The following PITRM1 variants were observed in gnomAD, a reference collection of about 807,000 sequenced individuals.
PITRM1 encodes the protein pitrilysin metallopeptidase 1, also known as presequence protease, mitochondrial.
In PITRM1, 100 loss-of-function variants were observed where a neutral mutation model predicts 129.9. That is an observed-to-expected ratio of 0.77 (90% confidence interval 0.65 to 0.91). PITRM1 has a LOEUF of 0.91. PITRM1 is among the 40% of genes least tolerant of loss of function. The pLI is 0.00. For missense variants in PITRM1, 1,471 were observed against 1,318.3 expected, an observed-to-expected ratio of 1.12 and a Z score of -1.79; for synonymous variants, 591 against 508.8, an observed-to-expected ratio of 1.16 and a Z score of -2.17.
In PITRM1 at chr10:3,138,101, G is replaced by T. The variant is rs1465388267; in HGVS notation, c.3044C>A (p.Thr1015Lys). 8.7e-6 allele frequency: 14 copies of T among 1,610,578 alleles called. No homozygotes were observed. The East Asian group carries it at 2.5e-4, about 28-fold the overall frequency. ...GGGTCCGAGGATGGCCAGGCCGTGT[G>T]TGCTCTTCCCAGTGCCGAGGTATCT... ...SDRYLGTGKS[T>K]HGLAILGPEN... Residue 1015 changes from threonine (T) to lysine (K), a missense_variant, in exon 27 of 27, where the codon ACA becomes AAA. Transcript: ENST00000224949.
At chr10:3,156,846 G>A (rs1012295510) in intron 13 of PITRM1, 84 bp downstream of exon 13, 5 of 872,738 alleles carry the variant, frequency 5.7e-6, no homozygotes, top group East Asian at 3.1e-5. Flanking sequence ...TTACTTAAAT[G>A]TATAGATTAT....
At chr10:3,161,804 T>C (rs1842460268) in intron 7 of PITRM1, among the ~76,000 whole-genome samples, 1 of 149,266 alleles carries the variant, frequency 6.7e-6, no homozygotes, top group South Asian at 2.1e-4. Context: ...TATACAGAAA[T>C]ATTTCTGTGA....
chr10:3,160,168 T>G, intron 8 of PITRM1, 36 bp downstream of exon 8: 1 of 1,609,744 alleles, frequency 6.2e-7, no homozygotes. Context: ...GTCAACATAT[T>G]TACCAGGAAG....
Position 3,158,107 on chromosome 10 carries a change from C to G in PITRM1, c.1183G>C (p.Gly395Arg), listed in dbSNP as rs781329886. The change falls in exon 11 of 27, where the codon GGG becomes CGG. Residue 395 changes from glycine to arginine, a missense_variant. Physicochemically the swap from Gly to Arg is moderately radical, Grantham distance 125. Coordinates refer to ENST00000224949, the MANE Select transcript of PITRM1 (RefSeq NM_014889.4). ...GTCTCAATGTCTTTCTCCGCAATCC[C>G]TTGGAGGCCGACACTAAAGTAGGCC... is the stretch of plus-strand genomic sequence containing the variant. Reference protein sequence around the residue: ...REAYFSVGLQGIAEKDIETVR... With the variant: ...REAYFSVGLQRIAEKDIETVR... The G allele has an allele frequency of 6.2e-7, 1 of 1,610,906 alleles. No individual in the cohort carries two copies. The highest frequency in any genetic ancestry group is 1.7e-5 in the Admixed American group (1 of 59,766).
chr10:3,144,685 G>C (rs777514999), intron 21 of PITRM1, among the ~76,000 whole-genome samples: 2 of 151,998 alleles, frequency 1.3e-5, no homozygotes, highest in African/African-American at 2.4e-5. Flanking sequence ...CACACCTGTA[G>C]CCCCAGCTAC....
intron 20 of PITRM1, chr10:3,145,996 C>T: frequency 2.5e-6 from 1 of 405,170 alleles, no homozygotes; most frequent in Non-Finnish European, 4.5e-6. Context: ...AAAGAAAATA[C>T]AGAGACTATT....
chr10:3,172,050 T>A, intron 1 of PITRM1: 1 of 342,468 alleles, frequency 2.9e-6, no homozygotes, highest in Non-Finnish European at 5.9e-6. Flanking sequence ...TTCAGAATTA[T>A]GGGACAGAAG....
Position 3,147,987 on chromosome 10 carries a change from T to C in PITRM1, c.2069A>G (p.Asn690Ser). 6.2e-7 allele frequency: 1 copy of C among 1,608,006 alleles called. No individual in the cohort carries two copies. Among genetic ancestry groups the C allele is most frequent in the Non-Finnish European group, 8.5e-7 (1 of 1,174,362 alleles). Residue 690 changes from asparagine to serine, a missense_variant and splice_region_variant, in exon 18 of 27, where the codon AAC (asparagine) becomes AGC (serine). Transcript: ENST00000224949. ...GGACAACTCTTGCAAATAAAGTTAC[T>C]TGTTAAATATTTCACTCCATAGCTG... The part of the protein sequence containing the change: ...MMQLWSEIFN[N>S]PCFEEEEHFK...
intron 12 of PITRM1, 92 bp from the exon 13 acceptor site, chr10:3,157,156 T>G: frequency 8.6e-7 from 1 of 1,158,288 alleles, no homozygotes; most frequent in South Asian, 1.6e-5. Context: ...TCCTAGTTTC[T>G]GTATTTAAAT....
chr10:3,166,717 G>A (rs566940454), intron 3 of PITRM1, among the ~76,000 whole-genome samples: 1 of 152,338 alleles, frequency 6.6e-6, no homozygotes, highest in East Asian at 1.9e-4. Context: ...AGGATGGCTT[G>A]AAATGCAGCC....
intron 11 of PITRM1, 97 bp downstream of exon 11, chr10:3,157,943 G>C (rs1426371284): frequency 2.2e-5 from 17 of 766,988 alleles, no homozygotes; most frequent in Non-Finnish European, 3.3e-5. Flanking sequence ...ATATGACAGA[G>C]AAGGAAGGCC....
intron 1 of PITRM1, among the ~76,000 whole-genome samples, chr10:3,172,485 C>A (rs1403987592): frequency 1.3e-5 from 2 of 152,152 alleles, no homozygotes; most frequent in Non-Finnish European, 2.9e-5. Flanking sequence ...CGGGCAGGCC[C>A]GGCCCCCAGC....
chr10:3,143,619 G>T (rs1399429454), intron 22 of PITRM1, 118 bp from the exon 23 acceptor site: 4 of 740,996 alleles, frequency 5.4e-6, no homozygotes, highest in Non-Finnish European at 9.8e-6. Context: ...CCACGGCACT[G>T]GGACTGGAGC....
rs767642677 is a variant in PITRM1 at position 3,160,220 on chromosome 10, G to A, written c.902C>T (p.Thr301Ile). The A allele has an allele frequency of 6.8e-6, 11 of 1,613,946 alleles. No individual in the cohort carries two copies. Among genetic ancestry groups the A allele is most frequent in the Non-Finnish European group, 9.3e-6 (11 of 1,179,846 alleles). The part of the protein sequence containing the change: ...IEPSTVVPAQ[T>I]PWDKPREFQI... Reference sequence around the variant, plus strand: ...GGCACTCACAGGCTTGTCCCAGGGTGTCTGAGCTGGCACCACGGTGCTTGG... The same window carrying A: ...GGCACTCACAGGCTTGTCCCAGGGTATCTGAGCTGGCACCACGGTGCTTGG... The change falls in exon 8 of 27, where the codon ACA (threonine) becomes ATA (isoleucine). Residue 301 changes from threonine to isoleucine, a missense_variant. Transcript: ENST00000224949.
intron 23 of PITRM1, 195 bp downstream of exon 23, chr10:3,143,194 C>T: frequency 3.4e-6 from 2 of 588,884 alleles, no homozygotes; most frequent in Non-Finnish European, 6.1e-6. Context: ...AAATGACTGG[C>T]TCTAAAACTG....
intron 1 of PITRM1, among the ~76,000 whole-genome samples, chr10:3,172,472 C>A (rs1306374748): frequency 6.6e-6 from 1 of 152,210 alleles, no homozygotes; most frequent in Non-Finnish European, 1.5e-5. Flanking sequence ...GCCGGGAGCG[C>A]CGCGGGCAGG....
intron 2 of PITRM1, among the ~76,000 whole-genome samples, chr10:3,168,465 T>C (rs1263808369): frequency 6.6e-6 from 1 of 151,890 alleles, no homozygotes. Flanking sequence ...TCCCAGCACT[T>C]TGGAAGGCCA....
rs41305673 is a variant in PITRM1, at chr10:3,149,638, G to C, written c.1854C>G (p.Phe618Leu). 67,549 of 1,579,886 alleles carry C rather than the reference G, an allele frequency of 0.043. 1,635 individuals carry two copies. The highest frequency in any genetic ancestry group is 0.058 in the Middle Eastern group (339 of 5,836). ...ACTCGTACTTGGTGAGGACGCTGCA[G>C]AAGAGGGGCACATAGGGCCTCAGCT... The part of the protein sequence containing the change: ...PEELRPYVPL[F>L]CSVLTKLGCG... Residue 618 changes from phenylalanine to leucine, a missense_variant, in exon 16 of 27, where the codon TTC becomes TTG. Phe to Leu is a conservative substitution (Grantham distance 22, BLOSUM62 0). Coordinates refer to ENST00000224949, the MANE Select transcript of PITRM1 (RefSeq NM_014889.4).
At chr10:3,161,769 G>A (rs1326402127) in intron 7 of PITRM1, among the ~76,000 whole-genome samples, 4 of 151,436 alleles carry the variant, frequency 2.6e-5, no homozygotes, top group Admixed American at 2.6e-4. Flanking sequence ...AATTCCATCT[G>A]ATCACATAAT....
Sources: allele counts gnomAD v4.1 joint callset (sites outside exome capture counted in the v4.1 genomes callset), GRCh38; gene constraint gnomAD v4.1.1; transcripts MANE v1.5; gene names NCBI Gene and HGNC (gene_info 2026-07-23, HGNC 2026-07-21).